GRM8: variants seen among roughly 807,000 people sequenced by gnomAD.
GRM8 encodes the protein glutamate metabotropic receptor 8.
Under a neutral mutation model 87.2 loss-of-function variants are expected in GRM8, and 47 were observed. The ratio of observed to expected loss-of-function variants is 0.54; its 90% CI spans 0.43 to 0.69. GRM8 has a LOEUF of 0.69. Ranked by LOEUF, GRM8 falls within the 30% of genes least tolerant of loss-of-function variation. GRM8 has a pLI of 0.00. For missense variants in GRM8, 1,019 were observed against 1,139.2 expected, an observed-to-expected ratio of 0.89 and a Z score of 1.52; for synonymous variants, 396 against 404.5, an observed-to-expected ratio of 0.98 and a Z score of 0.25.
intron 2 of GRM8, among the ~76,000 whole-genome samples, chr7:127,108,735 A>G (rs1299921897): frequency 6.6e-6 from 1 of 152,184 alleles, no homozygotes. Flanking sequence ...CATGTTTAGG[A>G]TTAATTAAAC....
intron 7 of GRM8, among the ~76,000 whole-genome samples, chr7:126,768,692 A>G (rs1436490425): frequency 6.6e-6 from 1 of 152,038 alleles, no homozygotes; most frequent in Non-Finnish European, 1.5e-5. Context: ...AACTAGCAAT[A>G]TTAGATAAAG....
intron 2 of GRM8, among the ~76,000 whole-genome samples, chr7:127,150,273 G>C (rs1828781725): frequency 6.6e-6 from 1 of 152,064 alleles, no homozygotes; most frequent in African/African-American, 2.4e-5. Context: ...AATTGCTAAT[G>C]AATTGGTATT....
intron 9 of GRM8, among the ~76,000 whole-genome samples, chr7:126,497,207 G>T (rs974420787): frequency 6.6e-6 from 1 of 151,822 alleles, no homozygotes. Flanking sequence ...GATGATGGGG[G>T]CACACATGAG....
intron 7 of GRM8, among the ~76,000 whole-genome samples, chr7:126,609,921 G>T (rs994458396): frequency 1.3e-5 from 2 of 152,200 alleles, no homozygotes; most frequent in Admixed American, 6.5e-5. Flanking sequence ...TTTCTGGCCA[G>T]AATCCTGAGT....
chr7:127,078,667 G>T (rs1218636975), intron 3 of GRM8, among the ~76,000 whole-genome samples: 1 of 152,194 alleles, frequency 6.6e-6, no homozygotes, highest in Non-Finnish European at 1.5e-5. Context: ...CTGAGAAGAT[G>T]GTCCCCATCC....
intron 6 of GRM8, among the ~76,000 whole-genome samples, chr7:126,898,108 G>A (rs1801720687): frequency 2.0e-5 from 3 of 152,126 alleles, no homozygotes; most frequent in Admixed American, 2.0e-4. Context: ...TACCAATGAT[G>A]TTCTGAATGA....
intron 9 of GRM8, among the ~76,000 whole-genome samples, chr7:126,490,750 G>C (rs1025017883): frequency 1.3e-5 from 2 of 152,010 alleles, no homozygotes; most frequent in African/African-American, 4.8e-5. Context: ...CTATGTCTCA[G>C]ACTTCTGCTT....
chr7:126,685,411 G>C lies in GRM8; in HGVS notation c.1358-75913C>G, dbSNP rs185070037. 6.6e-5 allele frequency among the ~76,000 whole-genome samples: 10 copies of C among 152,226 alleles called. No homozygotes were observed. The highest frequency in any genetic ancestry group is 4.6e-4 in the Admixed American group (7 of 15,310). ...CCCACCCCCTCTGAGTTAGCTGGGT[G>C]GGAGCTCCCTGGGTGCAGCTGCAGC... On this transcript the variant is annotated intron_variant, in intron 7 of 10. Coordinates refer to ENST00000339582, the MANE Select transcript of GRM8 (RefSeq NM_000845.3). The surrounding 1 kb of genome is among the most constrained non-coding windows in gnomAD (Gnocchi z 4.2).
intron 3 of GRM8, among the ~76,000 whole-genome samples, chr7:126,999,063 T>C (rs1441592182): frequency 6.6e-6 from 1 of 151,884 alleles, no homozygotes; most frequent in African/African-American, 2.4e-5. Context: ...AACAGATACC[T>C]AGACCAATGG....
At chr7:126,705,535 T>A (rs1810406157) in intron 7 of GRM8, among the ~76,000 whole-genome samples, 1 of 152,224 alleles carries the variant, frequency 6.6e-6, no homozygotes, top group Non-Finnish European at 1.5e-5. Flanking sequence ...CCTATCTGTG[T>A]ACGTGTGTGT....
intron 2 of GRM8, among the ~76,000 whole-genome samples, chr7:127,187,198 T>G (rs1043362291): frequency 6.6e-6 from 1 of 152,174 alleles, no homozygotes; most frequent in Admixed American, 6.5e-5. Flanking sequence ...AACTGCCTTC[T>G]TCCTAGTGGT....
At chr7:126,487,300 A>G (rs558178421) in intron 9 of GRM8, among the ~76,000 whole-genome samples, 1 of 152,018 alleles carries the variant, frequency 6.6e-6, no homozygotes, top group East Asian at 1.9e-4. Flanking sequence ...ATTGAGACGT[A>G]TTTTAATTTT....
intron 3 of GRM8, among the ~76,000 whole-genome samples, chr7:127,002,269 C>G (rs1395361887): frequency 2.0e-5 from 3 of 151,614 alleles, no homozygotes; most frequent in African/African-American, 4.8e-5. Flanking sequence ...CTTGCTGAGG[C>G]TGTGACAGAG....
chr7:126,705,907 T>A (rs1398712797), intron 7 of GRM8, among the ~76,000 whole-genome samples: 1 of 152,118 alleles, frequency 6.6e-6, no homozygotes, highest in Non-Finnish European at 1.5e-5. Flanking sequence ...TTCAAGCTAT[T>A]TATTATGTTA....
chr7:127,209,213 A>C (rs1490985119), intron 2 of GRM8, among the ~76,000 whole-genome samples: 1 of 152,216 alleles, frequency 6.6e-6, no homozygotes, highest in Non-Finnish European at 1.5e-5. Context: ...GCTAGGAAGT[A>C]AATCCATCTG....
chr7:126,977,170 T>C lies in GRM8; in HGVS notation c.728-72487A>G, dbSNP rs149479112. On this transcript the variant is annotated intron_variant, in intron 3 of 10. Coordinates refer to ENST00000339582, the MANE Select transcript of GRM8 (RefSeq NM_000845.3). ...GGCTAAAAATTTTAAATATTTTCAG[T>C]TCTTTGAAAATACAAGAAAAACCTT... is the stretch of plus-strand genomic sequence containing the variant. Among the ~76,000 whole-genome samples the C allele has an allele frequency of 4.8e-3, 736 of 152,312 alleles. 5 individuals carry two copies. Among genetic ancestry groups the C allele is most frequent in the Middle Eastern group, 0.024 (7 of 294 alleles).
At chr7:126,922,790 T>C (rs191423756) in intron 3 of GRM8, among the ~76,000 whole-genome samples, 11 of 152,204 alleles carry the variant, frequency 7.2e-5, no homozygotes, top group African/African-American at 2.2e-4. Context: ...CCCTTGCTAC[T>C]GTACAGTGAG....
intron 9 of GRM8, among the ~76,000 whole-genome samples, chr7:126,464,425 T>C (rs560230823): frequency 6.6e-6 from 1 of 151,726 alleles, no homozygotes; most frequent in African/African-American, 2.4e-5. Flanking sequence ...GAATCGATTC[T>C]GTCACTCTGT....
chr7:126,668,412 T>C (rs1227945971), intron 7 of GRM8, among the ~76,000 whole-genome samples: 1 of 152,164 alleles, frequency 6.6e-6, no homozygotes, highest in Non-Finnish European at 1.5e-5. Flanking sequence ...TTTACATCCC[T>C]GGACTTCTGA....
Sources: allele counts gnomAD v4.1 joint callset (sites outside exome capture counted in the v4.1 genomes callset), GRCh38; gene constraint gnomAD v4.1.1; non-coding constraint Gnocchi (gnomAD v3.1); transcripts MANE v1.5; gene names NCBI Gene and HGNC (gene_info 2026-07-23, HGNC 2026-07-21).